CDCP1: variants seen among roughly 807,000 people sequenced by gnomAD.
CDCP1 encodes the protein CUB domain-containing protein 1.
A neutral mutation model predicts 60.2 loss-of-function variants in CDCP1; 29 were observed. That is an observed-to-expected ratio of 0.48 (90% confidence interval 0.36 to 0.66). CDCP1 has a LOEUF of 0.66. Ranked by LOEUF, CDCP1 falls within the 30% of genes least tolerant of loss-of-function variation. The pLI, the probability that CDCP1 is intolerant of heterozygous loss-of-function variation, is 0.00. For synonymous variants in CDCP1, 387 were observed against 431.1 expected, an observed-to-expected ratio of 0.90 and a Z score of 1.27; for missense variants, 876 against 1,074.3, an observed-to-expected ratio of 0.82 and a Z score of 2.58.
At chr3:45,130,067 C>T (rs1422182827) in intron 1 of CDCP1, among the ~76,000 whole-genome samples, 1 of 139,546 alleles carries the variant, frequency 7.2e-6, no homozygotes, top group Admixed American at 6.9e-5. Context: ...ACACACACAC[C>T]TAAAAATTAT....
intron 4 of CDCP1, among the ~76,000 whole-genome samples, chr3:45,101,168 A>C (rs1698479502): frequency 6.6e-6 from 1 of 152,182 alleles, no homozygotes; most frequent in Admixed American, 6.5e-5. Context: ...ACTTCTGTTC[A>C]CATCTCATTG....
intron 1 of CDCP1, among the ~76,000 whole-genome samples, chr3:45,124,845 AC>A (rs1216965908): frequency 1.3e-5 from 2 of 151,978 alleles, no homozygotes; most frequent in Non-Finnish European, 2.9e-5. Flanking sequence ...CCTCATATCC[AC>A]CCCAAGGGGA....
Position 45,091,783 on chromosome 3 carries a change from TTTA to T in CDCP1, c.1628-248_1628-246del, listed in dbSNP as rs1182259215. On this transcript the variant is annotated intron_variant, in intron 6 of 8. Transcript: ENST00000296129. The surrounding 1 kb of genome is among the most constrained non-coding windows in gnomAD (Gnocchi z 4.8). Reference sequence around the variant, plus strand: ...GCATTTTAAATTTGTTTCATGTTAATTTATTATTATTAGTTATTTTTGAGAGGG... The same window carrying T: ...GCATTTTAAATTTGTTTCATGTTAATTTATTATTAGTTATTTTTGAGAGGG... Among the ~76,000 whole-genome samples the T allele has an allele frequency of 6.6e-6, 1 of 152,208 alleles. No individual in the cohort carries two copies. The highest frequency in any genetic ancestry group is 2.4e-5 in the African/African-American group (1 of 41,446).
chr3:45,122,798 C>T (rs1025999698), intron 1 of CDCP1, among the ~76,000 whole-genome samples: 5 of 152,138 alleles, frequency 3.3e-5, no homozygotes, highest in African/African-American at 7.2e-5. Flanking sequence ...TGTATTCATT[C>T]GACAAACATT....
chr3:45,095,489 G>C lies in CDCP1; in HGVS notation c.1104C>G (p.Arg368=). The C allele has an allele frequency of 1.2e-6, 2 of 1,614,192 alleles. No individual in the cohort carries two copies. The highest frequency in any genetic ancestry group is 8.5e-7 in the Non-Finnish European group (1 of 1,180,024). The change falls in exon 5 of 9, where the codon CGC becomes CGG. Residue 368 remains arginine, a synonymous_variant. Transcript: ENST00000296129. ...TIEPRPVKQS[R]KFVPGCFVCL... ...ACACGAAACAGCCAGGGACAAACTT[G>C]CGGCTCTGTTTGACGGGCCGTGGCT...
At chr3:45,116,531 C>A (rs1698793234) in intron 2 of CDCP1, among the ~76,000 whole-genome samples, 1 of 152,126 alleles carries the variant, frequency 6.6e-6, no homozygotes. Context: ...TTATGTATAT[C>A]GTCTACAGCA....
intron 1 of CDCP1, among the ~76,000 whole-genome samples, chr3:45,128,585 C>T (rs1162968721): frequency 1.3e-5 from 2 of 152,188 alleles, no homozygotes; most frequent in Non-Finnish European, 2.9e-5. Flanking sequence ...ACCATGTGCA[C>T]GCTTAGTCAA....
At chr3:45,125,737 G>A (rs115522465) in intron 1 of CDCP1, among the ~76,000 whole-genome samples, 1 of 152,188 alleles carries the variant, frequency 6.6e-6, no homozygotes, top group Non-Finnish European at 1.5e-5. Context: ...CACTGAAGAG[G>A]CAAACCTTAA....
At chr3:45,104,589 C>T (rs1332807127) in intron 4 of CDCP1, among the ~76,000 whole-genome samples, 2 of 152,200 alleles carry the variant, frequency 1.3e-5, no homozygotes, top group Non-Finnish European at 2.9e-5. Flanking sequence ...TTATCTCACC[C>T]TCACAACATG....
intron 1 of CDCP1, among the ~76,000 whole-genome samples, chr3:45,122,553 C>T (rs1336133704): frequency 6.6e-6 from 1 of 151,948 alleles, no homozygotes; most frequent in Non-Finnish European, 1.5e-5. Flanking sequence ...CTTTGGGACT[C>T]AAGTGATTCT....
At chr3:45,098,321 C>T (rs1698435653) in intron 4 of CDCP1, among the ~76,000 whole-genome samples, 2 of 152,068 alleles carry the variant, frequency 1.3e-5, no homozygotes, top group Non-Finnish European at 2.9e-5. Context: ...GCTTTAGCCT[C>T]CTGAGTATCT....
Position 45,091,282 on chromosome 3 carries a change from C to T in CDCP1, c.1884G>A (p.Lys628=), listed in dbSNP as rs374832897. Residue 628 remains lysine (K), a synonymous_variant, in exon 7 of 9, where the codon AAG becomes AAA. Transcript: ENST00000296129. This position sits in a 1 kb window ranked among gnomAD's most constrained non-coding sequence, Gnocchi z 4.8. ...IFSLDEDVLP[K]PSFHHHSFWV... The stretch of plus-strand genomic sequence containing the variant: ...AGAAGCTGTGATGGTGGAAGCTTGG[C>T]TTGGGGAGCACATCCTCGTCCAGGC... 25 of 1,613,926 alleles carry T rather than the reference C, an allele frequency of 1.5e-5. No homozygotes were observed. In the South Asian group the frequency reaches 2.5e-4, roughly 16 times the overall value.
At chr3:45,098,999 A>G (rs990845124) in intron 4 of CDCP1, among the ~76,000 whole-genome samples, 1 of 151,992 alleles carries the variant, frequency 6.6e-6, no homozygotes, top group Non-Finnish European at 1.5e-5. Flanking sequence ...GCTCTAATCT[A>G]AAGGGGCTGC....
chr3:45,144,287 T>C (rs1423898280), intron 1 of CDCP1, among the ~76,000 whole-genome samples: 1 of 152,212 alleles, frequency 6.6e-6, no homozygotes, highest in Non-Finnish European at 1.5e-5. Context: ...GCCAGGGCTC[T>C]GGCTTTCTGT....
chr3:45,140,828 A>G (rs539913841), intron 1 of CDCP1, among the ~76,000 whole-genome samples: 127 of 152,352 alleles, frequency 8.3e-4, no homozygotes, highest in Non-Finnish European at 1.6e-3. Flanking sequence ...GTATATTTAC[A>G]TCTCCAACCT....
chr3:45,128,906 G>A (rs765417338), intron 1 of CDCP1, among the ~76,000 whole-genome samples: 1 of 152,060 alleles, frequency 6.6e-6, no homozygotes, highest in African/African-American at 2.4e-5. Context: ...TCAGTAGAAC[G>A]GGGTTTCACC....
At chr3:45,090,902 G>T (rs1043410511) in intron 7 of CDCP1, among the ~76,000 whole-genome samples, 1 of 152,198 alleles carries the variant, frequency 6.6e-6, no homozygotes, top group Non-Finnish European at 1.5e-5. Flanking sequence ...CCAACCTGCA[G>T]CTGCCAGTAG....
chr3:45,141,657 A>C (rs1457281608), intron 1 of CDCP1, among the ~76,000 whole-genome samples: 1 of 152,228 alleles, frequency 6.6e-6, no homozygotes, highest in Non-Finnish European at 1.5e-5. Flanking sequence ...CTGATGGACC[A>C]GATACAAACC....
rs566769933 is a variant in CDCP1 at position 45,144,481 on chromosome 3, G to A, written c.82+1725C>T. 3.8e-4 allele frequency among the ~76,000 whole-genome samples: 58 copies of A among 152,306 alleles called. 1 individual carries two copies. Among genetic ancestry groups the A allele is most frequent in the Non-Finnish European group, 6.6e-4 (45 of 68,016 alleles). On this transcript the variant is annotated intron_variant, in intron 1 of 8. Transcript: ENST00000296129. Reference sequence around the variant, plus strand: ...AAAGGGAAAGTTCCTAGGTTTCTACGTATTTATGTATTGAACCATGAGACA... The same window carrying A: ...AAAGGGAAAGTTCCTAGGTTTCTACATATTTATGTATTGAACCATGAGACA...
Sources: allele counts gnomAD v4.1 joint callset (sites outside exome capture counted in the v4.1 genomes callset), GRCh38; gene constraint gnomAD v4.1.1; non-coding constraint Gnocchi (gnomAD v3.1); transcripts MANE v1.5; gene names NCBI Gene and HGNC (gene_info 2026-07-23, HGNC 2026-07-21).